Variants in USH2A observed in about 807,000 individuals in gnomAD.
USH2A encodes Usher syndrome 2A (autosomal recessive, mild).
Under a neutral mutation model 538.9 loss-of-function variants are expected in USH2A, and 443 were observed. That is an observed-to-expected ratio of 0.82 (90% CI 0.76 to 0.89). USH2A has a LOEUF of 0.89. Among genes scored for constraint, USH2A ranks in the 40% least tolerant of loss-of-function variants. USH2A has a pLI of 0.00. For missense variants in USH2A, 6,633 were observed against 6,324.8 expected, an observed-to-expected ratio of 1.05 and a Z score of -1.65; for synonymous variants, 2,413 against 2,273.5, an observed-to-expected ratio of 1.06 and a Z score of -1.75.
chr1:215,794,829 T>C (rs971185253), intron 50 of USH2A, among the ~76,000 whole-genome samples: 3 of 152,134 alleles, frequency 2.0e-5, no homozygotes, highest in Non-Finnish European at 2.9e-5. Flanking sequence ...GAAATTTGAG[T>C]TCATGGATGG....
Position 215,627,341 on chromosome 1 carries a change from GTTTCT to G in USH2A, c.15519+1468_15519+1472del, listed in dbSNP as rs1194938472. Among the ~76,000 whole-genome samples, 9 of 151,648 alleles carry G rather than the reference GTTTCT, an allele frequency of 5.9e-5. No individual in the cohort carries two copies. In the South Asian group the frequency reaches 8.3e-4, roughly 14 times the overall value. ...AGGAGCTAACTTCCTAGCTGGTTATGTTTCTTTTCTTTTCTTTCTCTCCCTCCCTC... is the reference window on the plus strand; with the variant it reads ...AGGAGCTAACTTCCTAGCTGGTTATGTTTCTTTTCTTTCTCTCCCTCCCTC... On this transcript the variant is annotated intron_variant, in intron 71 of 71. Transcript: ENST00000307340.
intron 21 of USH2A, among the ~76,000 whole-genome samples, chr1:216,134,571 T>G (rs1452421492): frequency 2.6e-5 from 4 of 151,928 alleles, no homozygotes; most frequent in Admixed American, 6.6e-5. Context: ...ATGAAACCAA[T>G]TTTGTCAAAT....
intron 46 of USH2A, among the ~76,000 whole-genome samples, chr1:215,843,451 T>C (rs1318048130): frequency 6.6e-6 from 1 of 152,208 alleles, no homozygotes; most frequent in African/African-American, 2.4e-5. Flanking sequence ...TTGTTTTATA[T>C]GCCTTAGTAT....
At chr1:216,223,511 G>A (rs190597726) in intron 14 of USH2A, among the ~76,000 whole-genome samples, 21 of 152,170 alleles carry the variant, frequency 1.4e-4, no homozygotes, top group East Asian at 1.2e-3. Context: ...GTTAAGCCTC[G>A]TGCCTTGCTT....
Position 216,422,159 on chromosome 1 carries a change from G to C in USH2A, c.178C>G (p.Leu60Val). The C allele has an allele frequency of 6.2e-7, 1 of 1,613,778 alleles. No individual in the cohort carries two copies. The highest frequency in any genetic ancestry group is 8.5e-7 in the Non-Finnish European group (1 of 1,179,856). Residue 60 changes from leucine to valine, a missense_variant, in exon 2 of 72, where the codon CTC (leucine) becomes GTC (valine). By Grantham distance (32) the Leu-to-Val change is conservative. Transcript: ENST00000307340. ...TGACAAAAAGTGCTTCGGTCTGGGA[G>C]TCCACATACTGCTTGGGTTGGCACG... is the stretch of plus-strand genomic sequence containing the variant. ...SIVPTQAVCGLPDRSTFCHSS... is the reference protein window; with the variant it reads ...SIVPTQAVCGVPDRSTFCHSS...
rs146462737 is a variant in USH2A at position 215,876,188 on chromosome 1, A to C, written c.8681+1570T>G. On this transcript the variant is annotated intron_variant, in intron 43 of 71. Transcript: ENST00000307340. ...ATTAAGTAAATAATGAATTAAAAGTAGTTGAGAATAGTATAATGAGCATTA... is the reference window on the plus strand; with the variant it reads ...ATTAAGTAAATAATGAATTAAAAGTCGTTGAGAATAGTATAATGAGCATTA... Among the ~76,000 whole-genome samples the C allele has an allele frequency of 3.9e-3, 595 of 152,270 alleles. 4 individuals are homozygous for C. Among genetic ancestry groups the C allele is most frequent in the African/African-American group, 0.014 (562 of 41,574 alleles).
At chr1:216,324,863 C>T (rs2102655072) in intron 6 of USH2A, among the ~76,000 whole-genome samples, 1 of 152,086 alleles carries the variant, frequency 6.6e-6, no homozygotes, top group Non-Finnish European at 1.5e-5. Flanking sequence ...AATTGTGTTC[C>T]CAAATAGATA....
chr1:215,654,081 A>T (rs1472890285), intron 64 of USH2A, among the ~76,000 whole-genome samples: 2 of 152,134 alleles, frequency 1.3e-5, no homozygotes, highest in Non-Finnish European at 2.9e-5. Flanking sequence ...TATAAATTCT[A>T]TGGCCAAGAG....
At chr1:216,334,355 A>C (rs150261571) in intron 4 of USH2A, among the ~76,000 whole-genome samples, 7 of 152,150 alleles carry the variant, frequency 4.6e-5, no homozygotes, top group Non-Finnish European at 1.0e-4. Flanking sequence ...CAAGGGTATT[A>C]AATTATACAC....
chr1:215,808,836 A>G (rs952148861), intron 49 of USH2A, among the ~76,000 whole-genome samples: 3 of 152,084 alleles, frequency 2.0e-5, no homozygotes, highest in Non-Finnish European at 4.4e-5. Flanking sequence ...AGGTTTTGGC[A>G]GTAATGATTA....
chr1:216,175,101 T>C, intron 21 of USH2A, 151 bp downstream of exon 21: 1 of 1,487,680 alleles, frequency 6.7e-7, no homozygotes, highest in Non-Finnish European at 9.0e-7. Context: ...AAGATGGACA[T>C]GCTGAAACAA....
In USH2A at chr1:216,186,280, A is replaced by G. The variant is rs144815835; in HGVS notation, c.4396+3943T>C. Among the ~76,000 whole-genome samples, 269 of 151,562 alleles carry G rather than the reference A, an allele frequency of 1.8e-3. 1 individual carries two copies. The highest frequency in any genetic ancestry group is 5.9e-3 in the African/African-American group (244 of 41,412). On this transcript the variant is annotated intron_variant, in intron 20 of 71. Transcript: ENST00000307340. Reference sequence around the variant, plus strand: ...CTATATCTCCTCCTGCCGCTGCTCAATCCTTCATGTTCCAGCTTCTGCTTC... The same window carrying G: ...CTATATCTCCTCCTGCCGCTGCTCAGTCCTTCATGTTCCAGCTTCTGCTTC...
intron 41 of USH2A, among the ~76,000 whole-genome samples, chr1:215,882,910 T>C (rs1188499211): frequency 1.3e-5 from 2 of 152,180 alleles, no homozygotes; most frequent in African/African-American, 2.4e-5. Flanking sequence ...GTTTATTTCA[T>C]ATTGGAAAGA....
chr1:215,932,876 A>G (rs1231319735), intron 38 of USH2A, among the ~76,000 whole-genome samples: 1 of 152,042 alleles, frequency 6.6e-6, no homozygotes, highest in Non-Finnish European at 1.5e-5. Context: ...TTCTATTTGT[A>G]TAATATTAAC....
At chr1:216,344,597 C>T (rs1055971446) in intron 4 of USH2A, among the ~76,000 whole-genome samples, 4 of 151,870 alleles carry the variant, frequency 2.6e-5, no homozygotes, top group Non-Finnish European at 5.9e-5. Context: ...GAGGAGACTC[C>T]CCTGACCCAA....
intron 27 of USH2A, among the ~76,000 whole-genome samples, chr1:216,074,211 G>A (rs1490415078): frequency 6.6e-6 from 1 of 152,186 alleles, no homozygotes; most frequent in South Asian, 2.1e-4. Flanking sequence ...TGAATTACAT[G>A]CTATTTTGTG....
In USH2A at chr1:216,292,311, G is replaced by A. The variant is rs766038321; in HGVS notation, c.1704C>T (p.Tyr568=). 99 of 1,613,914 alleles carry A rather than the reference G, an allele frequency of 6.1e-5. 1 individual carries two copies. Among genetic ancestry groups the A allele is most frequent in the South Asian group, 5.2e-4 (47 of 91,086 alleles). Residue 568 remains tyrosine (Y), a synonymous_variant, in exon 10 of 72, where the codon TAC becomes TAT. Transcript: ENST00000307340. The part of the protein sequence containing the change: ...DKPFRQGDQV[Y]AFNCKPCQCN... ...ATTGACAAGGTTTACAATTGAAAGC[G>A]TAAACTTGATCACCTTGGCGGAAAG... is the stretch of plus-strand genomic sequence containing the variant.
chr1:216,302,169 C>T (rs1194528907), intron 9 of USH2A, among the ~76,000 whole-genome samples: 1 of 152,190 alleles, frequency 6.6e-6, no homozygotes, highest in Non-Finnish European at 1.5e-5. Flanking sequence ...AAGTGCCCAA[C>T]TACATAGAGA....
At chr1:216,352,679 A>C (rs1346043150) in intron 4 of USH2A, among the ~76,000 whole-genome samples, 1 of 152,144 alleles carries the variant, frequency 6.6e-6, no homozygotes, top group Non-Finnish European at 1.5e-5. Flanking sequence ...ATTCCCTTGA[A>C]AATGTTCCAT....
Sources: gnomAD v4.1 joint callset for allele counts (sites outside exome capture counted in the v4.1 genomes callset) on GRCh38, gnomAD v4.1.1 for gene constraint, MANE v1.5 for transcripts, NCBI Gene and HGNC (gene_info 2026-07-23, HGNC 2026-07-21) for gene names.